Variants in ZNF510 observed in about 807,000 individuals in gnomAD.
ZNF510 encodes the protein zinc finger protein 510.
A neutral mutation model predicts 18.1 loss-of-function variants in ZNF510; 15 were observed. The ratio of observed to expected loss-of-function variants is 0.83; its 90% CI spans 0.55 to 1.28. The LOEUF is 1.28. Among genes scored for constraint, ZNF510 ranks in the 50% most tolerant of loss-of-function variants. The pLI, the probability that ZNF510 is intolerant of heterozygous loss-of-function variation, is 0.00. For synonymous variants in ZNF510, 261 were observed against 266.4 expected (o/e 0.98, Z 0.20); for missense variants, 724 against 791.8 (o/e 0.91, Z 1.03).
chr9:96,768,644 C>G (rs187919777), intron 3 of ZNF510, among the ~76,000 whole-genome samples: 8 of 152,202 alleles, frequency 5.3e-5, no homozygotes, highest in African/African-American at 1.9e-4. Flanking sequence ...CAAGAAGGTA[C>G]ATGACTTATA....
At chr9:96,768,362 G>C (rs1404451436) in intron 3 of ZNF510, among the ~76,000 whole-genome samples, 4 of 152,132 alleles carry the variant, frequency 2.6e-5, no homozygotes, top group African/African-American at 9.7e-5. Flanking sequence ...GTTCTAGCTA[G>C]AGGAAATAGG....
chr9:96,760,511 C>A (rs748906898), intron 5 of ZNF510, 34 bp from the exon 6 acceptor site: 2 of 1,535,118 alleles, frequency 1.3e-6, no homozygotes, highest in Non-Finnish European at 8.7e-7. Flanking sequence ...TCTTATGACT[C>A]TTACATCTTC....
At chr9:96,768,874 A>G (rs552508255) in intron 3 of ZNF510, among the ~76,000 whole-genome samples, 32 of 152,290 alleles carry the variant, frequency 2.1e-4, no homozygotes, top group African/African-American at 7.0e-4. Flanking sequence ...CTGAATAGTC[A>G]AAACAATCTA....
chr9:96,760,607 T>A, intron 5 of ZNF510, 130 bp from the exon 6 acceptor site: 1 of 797,900 alleles, frequency 1.3e-6, no homozygotes, highest in Non-Finnish European at 1.8e-6. Context: ...TGTATGTGTG[T>A]GTAAATATAT....
In ZNF510 at chr9:96,776,121, G is replaced by T; in HGVS notation, c.-52C>A. The T allele has an allele frequency of 6.4e-7, 1 of 1,559,334 alleles. No individual in the cohort carries two copies. Among genetic ancestry groups the T allele is most frequent in the South Asian group, 1.2e-5 (1 of 84,246 alleles). On this transcript the variant is annotated 5_prime_UTR_variant, in exon 2 of 6. Coordinates refer to ENST00000223428, the MANE Select transcript of ZNF510 (RefSeq NM_014930.3). ...GGGGATGAAGAAGTGCCGCTGGTTG[G>T]GCAAATCAAGACCTGCTCCTTTCTG... is the stretch of plus-strand genomic sequence containing the variant.
intron 5 of ZNF510, 32 bp downstream of exon 5, chr9:96,763,086 A>T: frequency 6.3e-7 from 1 of 1,590,910 alleles, no homozygotes; most frequent in Non-Finnish European, 8.6e-7. Context: ...CCACTCCTGC[A>T]GAATTATGTC....
intron 3 of ZNF510, among the ~76,000 whole-genome samples, chr9:96,772,328 TAAGAG>T (rs1398470236): frequency 6.6e-6 from 1 of 152,158 alleles, no homozygotes; most frequent in African/African-American, 2.4e-5. Context: ...TATCTGATCT[TAAGAG>T]TAGGGAAAGA....
chr9:96,774,897 T>A (rs751687817), intron 2 of ZNF510, 51 bp from the exon 3 acceptor site: 1 of 1,502,362 alleles, frequency 6.7e-7, no homozygotes, highest in Admixed American at 1.7e-5. Context: ...CCATCTTACC[T>A]GCCTACCAAT....
chr9:96,765,860 C>G (rs1849458008), intron 3 of ZNF510, among the ~76,000 whole-genome samples: 1 of 152,188 alleles, frequency 6.6e-6, no homozygotes, highest in Admixed American at 6.5e-5. Flanking sequence ...TATGTGCTGT[C>G]TAGTGTGCCT....
intron 3 of ZNF510, among the ~76,000 whole-genome samples, chr9:96,770,696 T>C (rs1341211722): frequency 1.3e-5 from 2 of 152,050 alleles, no homozygotes; most frequent in Non-Finnish European, 2.9e-5. Context: ...GCCAAACATA[T>C]AGAAACAGAA....
chr9:96,775,864 A>G, intron 2 of ZNF510, 136 bp downstream of exon 2: 1 of 1,111,202 alleles, frequency 9.0e-7, no homozygotes, highest in Non-Finnish European at 1.3e-6. Flanking sequence ...TGGGGGCTCT[A>G]TGAGGAGGAT....
At position 96,770,588 on chromosome 9, in the gene ZNF510, A is replaced by G. The variant is rs144859993; in HGVS notation, c.129+4200T>C. On this transcript the variant is annotated intron_variant, in intron 3 of 5. Coordinates refer to ENST00000223428, the MANE Select transcript of ZNF510 (RefSeq NM_014930.3). ...ATTGCAATCCAGCCTGAGCGACAAG[A>G]GCAAAACTCTGTCTCAAAAAAAAAA... Among the ~76,000 whole-genome samples the G allele has an allele frequency of 9.3e-3, 1,390 of 149,020 alleles. 49 individuals are homozygous for G. In the East Asian group the frequency reaches 0.1, roughly 11 times the overall value.
chr9:96,773,505 G>A (rs896062025), intron 3 of ZNF510, among the ~76,000 whole-genome samples: 11 of 151,804 alleles, frequency 7.2e-5, no homozygotes, highest in African/African-American at 2.7e-4. Flanking sequence ...AAGATGATGT[G>A]AGGACAGACA....
rs1335464515 is a variant in ZNF510, at chr9:96,755,109, G to A, written c.*3669C>T. Among the ~76,000 whole-genome samples, 1 of 152,194 alleles carries A rather than the reference G, an allele frequency of 6.6e-6. No homozygotes were observed. On this transcript the variant is annotated 3_prime_UTR_variant, in exon 6 of 6. Transcript: ENST00000223428. Reference sequence around the variant, plus strand: ...GCCGCCCTCTGCTAAGGGACAGCAGGTGAAGCCTGAGTCCCCAGTCATGGG... The same window carrying A: ...GCCGCCCTCTGCTAAGGGACAGCAGATGAAGCCTGAGTCCCCAGTCATGGG...
rs1304444782 is a variant in ZNF510 at position 96,755,800 on chromosome 9, G to C, written c.*2978C>G. 6.6e-6 allele frequency: 1 copy of C among 152,066 alleles called. No homozygotes were observed. The highest frequency in any genetic ancestry group is 1.5e-5 in the Non-Finnish European group (1 of 68,012). The allele number at this position is 152,066 out of a possible 1,614,324, so 9.4% of individuals were successfully genotyped here. A position where few individuals can be genotyped will look rare whatever the true frequency, so the allele number is the denominator to read the frequency against. ...ATTAATCAATGGCATATGAAGTACT[G>C]GCTATTTATCCAGAAGGAAAAAAGT... On this transcript the variant is annotated 3_prime_UTR_variant, in exon 6 of 6. Transcript: ENST00000223428.
Position 96,758,395 on chromosome 9 carries a change from AC to A in ZNF510, c.*382del, listed in dbSNP as rs1469478855. On this transcript the variant is annotated 3_prime_UTR_variant, in exon 6 of 6. Transcript: ENST00000223428. The stretch of plus-strand genomic sequence containing the variant: ...CACATCTTAGTAGCCAGTCACAAAG[AC>A]CAACCTGGATGAAAAGGAGATTGGG... 1 of 170,802 alleles carries A rather than the reference AC, an allele frequency of 5.9e-6. No individual in the cohort carries two copies. Among genetic ancestry groups the A allele is most frequent in the Non-Finnish European group, 1.3e-5 (1 of 79,820 alleles). 10.6% of individuals were successfully genotyped at this position (170,802 alleles called of 1,614,324 possible).
rs915677206 is a variant in ZNF510, at chr9:96,758,641, T to C, written c.*137A>G. 10 of 875,602 alleles carry C rather than the reference T, an allele frequency of 1.1e-5. No individual in the cohort carries two copies. In the African/African-American group the frequency reaches 1.2e-4, roughly 10 times the overall value. The allele number at this position is 875,602 out of a possible 1,614,324, so 54.2% of individuals were successfully genotyped here. On this transcript the variant is annotated 3_prime_UTR_variant, in exon 6 of 6. Transcript: ENST00000223428. Reference sequence around the variant, plus strand: ...TCATCTTCATCTGGTTTCTTTCCTATGTGAATTCTCTGATTCACAGTGAGG... The same window carrying C: ...TCATCTTCATCTGGTTTCTTTCCTACGTGAATTCTCTGATTCACAGTGAGG...
intron 3 of ZNF510, among the ~76,000 whole-genome samples, chr9:96,771,164 A>T (rs1174985921): frequency 6.6e-6 from 1 of 152,234 alleles, no homozygotes; most frequent in Non-Finnish European, 1.5e-5. Context: ...CCAAAACGTG[A>T]CATGACATGA....
chr9:96,763,673 T>C lies in ZNF510; in HGVS notation c.130-41A>G, dbSNP rs202195660. 52 of 1,521,320 alleles carry C rather than the reference T, an allele frequency of 3.4e-5. No individual in the cohort carries two copies. The African/African-American group carries it at 6.8e-4, about 20-fold the overall frequency. The allele number at this position is 1,521,320 out of a possible 1,614,324, so 94.2% of individuals were successfully genotyped here. ...TCTATTCAATCTGAAGGGTTCAGAATTAGATGATGTAGAAAATAGCCATGA... is the reference window on the plus strand; with the variant it reads ...TCTATTCAATCTGAAGGGTTCAGAACTAGATGATGTAGAAAATAGCCATGA... On this transcript the variant is annotated intron_variant, in intron 3 of 5. Transcript: ENST00000223428.
Sources: gnomAD v4.1 joint callset for allele counts (sites outside exome capture counted in the v4.1 genomes callset) on GRCh38, gnomAD v4.1.1 for gene constraint, MANE v1.5 for transcripts, NCBI Gene and HGNC (gene_info 2026-07-23, HGNC 2026-07-21) for gene names.